FGFR2: variants seen among roughly 807,000 people sequenced by gnomAD.
The protein encoded by FGFR2 is BEK fibroblast growth factor receptor.
In FGFR2, 19 loss-of-function variants were observed where a neutral mutation model predicts 95.9. The ratio of observed to expected loss-of-function variants is 0.20; its 90% CI spans 0.14 to 0.29. The LOEUF (loss-of-function observed/expected upper bound fraction) is 0.29, where lower values mean the gene tolerates loss of function less well. Among genes scored for constraint, FGFR2 ranks in the 10% least tolerant of loss-of-function variants. FGFR2 has a pLI of 1.00. For missense variants in FGFR2, 707 were observed against 1,056.9 expected, an observed-to-expected ratio of 0.67 and a Z score of 4.59; for synonymous variants, 392 against 393.3, an observed-to-expected ratio of 1.00 and a Z score of 0.04.
intron 5 of FGFR2, among the ~76,000 whole-genome samples, chr10:121,542,404 A>G (rs1853898146): frequency 6.6e-6 from 1 of 152,234 alleles, no homozygotes; most frequent in Non-Finnish European, 1.5e-5. Context: ...AAAGTATAAT[A>G]AAACAGATCC....
At chr10:121,596,282 G>T (rs1019733306) in intron 1 of FGFR2, among the ~76,000 whole-genome samples, 3 of 152,172 alleles carry the variant, frequency 2.0e-5, no homozygotes, top group Non-Finnish European at 4.4e-5. Context: ...TGCCCCCAAA[G>T]ACAGGCAGAG....
At chr10:121,482,080 G>A (rs565843853) in intron 17 of FGFR2, 136 of 1,068,550 alleles carry the variant, frequency 1.3e-4, no homozygotes, top group African/African-American at 1.0e-3. Context: ...CTCATGATCC[G>A]CCTGCCTCGG....
intron 5 of FGFR2, among the ~76,000 whole-genome samples, chr10:121,541,125 G>A (rs186032250): frequency 3.3e-5 from 5 of 152,202 alleles, no homozygotes; most frequent in East Asian, 1.9e-4. Flanking sequence ...ATAAGTTAAC[G>A]TTTATAAAAA....
chr10:121,529,265 C>T (rs543434385), intron 6 of FGFR2, among the ~76,000 whole-genome samples: 5 of 152,222 alleles, frequency 3.3e-5, no homozygotes, highest in Non-Finnish European at 7.4e-5. Flanking sequence ...CACAACACCA[C>T]GCCTGGCTAA....
At chr10:121,536,686 T>C (rs1009904073) in intron 6 of FGFR2, among the ~76,000 whole-genome samples, 52 of 152,270 alleles carry the variant, frequency 3.4e-4, no homozygotes, top group African/African-American at 1.1e-3. Flanking sequence ...TGAGGGGCTT[T>C]TGAATGTTTT....
rs958375080 is a variant in FGFR2 at position 121,531,144 on chromosome 10, G to A, written c.748+7448C>T. On this transcript the variant is annotated intron_variant, in intron 6 of 17. Coordinates refer to ENST00000358487, the MANE Select transcript of FGFR2 (RefSeq NM_000141.5). The surrounding 1 kb of genome is among the most constrained non-coding windows in gnomAD (Gnocchi z 4.5). Reference sequence around the variant, plus strand: ...CTTCCTTCCTCAATGGTGGGGCAAAGGACAACGGGTAGCCTGCAGAGAATG... The same window carrying A: ...CTTCCTTCCTCAATGGTGGGGCAAAAGACAACGGGTAGCCTGCAGAGAATG... 2 of 152,268 alleles carry A rather than the reference G, an allele frequency of 1.3e-5. No individual in the cohort carries two copies. Among genetic ancestry groups the A allele is most frequent in the Non-Finnish European group, 2.9e-5 (2 of 68,074 alleles). The allele number at this position is 152,268 out of a possible 1,614,324, so 9.4% of individuals were successfully genotyped here.
intron 4 of FGFR2, among the ~76,000 whole-genome samples, chr10:121,559,635 T>TA (rs1856667505): frequency 6.6e-6 from 1 of 152,206 alleles, no homozygotes; most frequent in African/African-American, 2.4e-5. Context: ...CAGCTAACAC[T>TA]AGCCCTTAAT....
At position 121,553,906 on chromosome 10, in the gene FGFR2, G is replaced by A. The variant is rs577701288; in HGVS notation, c.455-2447C>T. Among the ~76,000 whole-genome samples the A allele has an allele frequency of 2.0e-4, 31 of 152,312 alleles. 1 individual carries two copies. The East Asian group carries it at 3.9e-3, about 19-fold the overall frequency. On this transcript the variant is annotated intron_variant, in intron 4 of 17. Transcript: ENST00000358487. ...GTGAGTCTGTAACAGCCCAGGGACC[G>A]GCCCAGACCACGCGCACCTATGCAG...
intron 11 of FGFR2, among the ~76,000 whole-genome samples, chr10:121,499,663 G>C (rs1376402390): frequency 2.0e-5 from 3 of 152,230 alleles, no homozygotes; most frequent in African/African-American, 4.8e-5. Flanking sequence ...AGCAAAACCA[G>C]AAGTTCCGCC....
rs117484252 is a variant in FGFR2, at chr10:121,533,163, C to T, written c.748+5429G>A. Among the ~76,000 whole-genome samples the T allele has an allele frequency of 6.1e-3, 934 of 152,260 alleles. 20 individuals are homozygous for T. The East Asian group carries it at 0.068, about 11-fold the overall frequency. On this transcript the variant is annotated intron_variant, in intron 6 of 17. Transcript: ENST00000358487. ...TGGCACTTTGGGAGGCCGAGGCGGG[C>T]GGATCACTCCAGGCCAGGTGTTCGA...
intron 13 of FGFR2, among the ~76,000 whole-genome samples, chr10:121,495,521 A>G (rs1846679912): frequency 6.6e-6 from 1 of 151,924 alleles, no homozygotes; most frequent in African/African-American, 2.4e-5. Flanking sequence ...GAAAGAAAAA[A>G]CCATCCAGAA....
chr10:121,539,888 G>A (rs1261098722), intron 5 of FGFR2, among the ~76,000 whole-genome samples: 1 of 152,210 alleles, frequency 6.6e-6, no homozygotes, highest in Non-Finnish European at 1.5e-5. Context: ...AAACAGGAGG[G>A]CAGAGCAGCT....
chr10:121,567,327 G>A (rs1016410232), intron 2 of FGFR2, among the ~76,000 whole-genome samples: 1 of 152,208 alleles, frequency 6.6e-6, no homozygotes, highest in African/African-American at 2.4e-5. Flanking sequence ...CAACTAGCAC[G>A]TGAACACAAA....
chr10:121,546,061 C>A (rs962089840), intron 5 of FGFR2, among the ~76,000 whole-genome samples: 1 of 151,932 alleles, frequency 6.6e-6, no homozygotes, highest in African/African-American at 2.4e-5. Context: ...TAATTACCTA[C>A]GAAGGAGGTG....
At chr10:121,497,794 C>A (rs1316367869) in intron 12 of FGFR2, among the ~76,000 whole-genome samples, 1 of 152,210 alleles carries the variant, frequency 6.6e-6, no homozygotes, top group Non-Finnish European at 1.5e-5. Flanking sequence ...TTTCTCACTA[C>A]TATGGCAGAC....
intron 2 of FGFR2, among the ~76,000 whole-genome samples, chr10:121,587,164 C>A (rs1485428133): frequency 6.6e-6 from 1 of 152,160 alleles, no homozygotes; most frequent in African/African-American, 2.4e-5. Context: ...GGAAAAGACT[C>A]CCTATTCAAT....
At chr10:121,565,176 CAAAA>C (rs71865754) in intron 3 of FGFR2, among the ~76,000 whole-genome samples, 2 of 98,010 alleles carry the variant, frequency 2.0e-5, no homozygotes, top group Admixed American at 1.2e-4. Flanking sequence ...GTCAGTGGTA[CAAAA>C]AAAAAAAAAA....
chr10:121,512,932 T>C (rs1268491163), intron 9 of FGFR2, among the ~76,000 whole-genome samples: 1 of 152,092 alleles, frequency 6.6e-6, no homozygotes, highest in Admixed American at 6.6e-5. Context: ...CGCAATGGTG[T>C]GATCTTGGCT....
intron 2 of FGFR2, among the ~76,000 whole-genome samples, chr10:121,572,983 C>T (rs914681731): frequency 3.9e-5 from 6 of 152,372 alleles, no homozygotes; most frequent in African/African-American, 1.2e-4. Flanking sequence ...GACTTCACTG[C>T]ACACATCCAG....
Sources: gnomAD v4.1 joint callset for allele counts (sites outside exome capture counted in the v4.1 genomes callset) on GRCh38, gnomAD v4.1.1 for gene constraint, Gnocchi (gnomAD v3.1) non-coding constraint, MANE v1.5 for transcripts, NCBI Gene and HGNC (gene_info 2026-07-23, HGNC 2026-07-21) for gene names.